The following HMCN1 variants were observed in gnomAD, a reference collection of about 807,000 sequenced individuals.
The protein encoded by HMCN1 is hemicentin 1, also known as hemicentin-1.
Under a neutral mutation model 625.9 loss-of-function variants are expected in HMCN1, and 321 were observed. That is an observed-to-expected ratio of 0.51 (90% CI 0.47 to 0.56). The LOEUF (loss-of-function observed/expected upper bound fraction) is 0.56. Among genes scored for constraint, HMCN1 ranks in the 20% least tolerant of loss-of-function variants. The probability of loss-of-function intolerance (pLI) is 0.00; values close to 1 mark genes in which losing one functional copy is unlikely to be tolerated. For missense variants in HMCN1, 6,588 were observed against 6,887.3 expected (o/e 0.96, Z 1.54); for synonymous variants, 2,425 against 2,417.6 (o/e 1.00, Z -0.09).
chr1:186,080,052 G>A (rs1373118437), intron 55 of HMCN1, among the ~76,000 whole-genome samples: 1 of 152,166 alleles, frequency 6.6e-6, no homozygotes, highest in Non-Finnish European at 1.5e-5. Context: ...TTTTCTTGAT[G>A]TTGGGTGGTG....
intron 96 of HMCN1, among the ~76,000 whole-genome samples, chr1:186,153,482 G>A (rs769029469): frequency 3.9e-5 from 6 of 152,064 alleles, no homozygotes; most frequent in Non-Finnish European, 7.3e-5. Context: ...ATGTAATGAT[G>A]AGAAAGTTGC....
chr1:186,155,639 G>A (rs542524664), intron 97 of HMCN1, among the ~76,000 whole-genome samples: 1 of 152,146 alleles, frequency 6.6e-6, no homozygotes, highest in African/African-American at 2.4e-5. Flanking sequence ...CCGTCTTTAA[G>A]TGTGTTTGTT....
rs773238960 is a variant in HMCN1 at position 186,151,629 on chromosome 1, T to C, written c.14782T>C (p.Ser4928Pro). 1 of 1,612,908 alleles carries C rather than the reference T, an allele frequency of 6.2e-7. No individual in the cohort carries two copies. Among genetic ancestry groups the C allele is most frequent in the East Asian group, 2.2e-5 (1 of 44,810 alleles). Reference protein sequence around the residue: ...SLGSAMRKIVSILNPIYWTTA... With the variant: ...SLGSAMRKIVPILNPIYWTTA... ...AGGTTCAGCAATGAGAAAGATAGTT[T>C]CTATTCTAAATCCCATTTATTGGAC... The change falls in exon 95 of 107, where the codon TCT becomes CCT. Residue 4928 changes from serine to proline, a missense_variant. Ser to Pro is a moderately conservative substitution (Grantham distance 74). This residue lies in a region of HMCN1 where 1,954 missense variants were observed against 2,013.1 expected (regional missense o/e 0.97). Coordinates refer to ENST00000271588, the MANE Select transcript of HMCN1 (RefSeq NM_031935.3).
intron 6 of HMCN1, among the ~76,000 whole-genome samples, chr1:185,918,678 G>C (rs547414639): frequency 6.6e-6 from 1 of 152,246 alleles, no homozygotes; most frequent in African/African-American, 2.4e-5. Context: ...GTGTATTCCT[G>C]ACTCAGACCC....
intron 1 of HMCN1, among the ~76,000 whole-genome samples, chr1:185,756,801 C>T (rs1042547061): frequency 6.6e-6 from 1 of 151,964 alleles, no homozygotes; most frequent in Non-Finnish European, 1.5e-5. Context: ...GGAAGTTGTC[C>T]ATTTCTCTTA....
At chr1:186,062,848 G>A (rs751740477) in intron 48 of HMCN1, among the ~76,000 whole-genome samples, 1 of 150,900 alleles carries the variant, frequency 6.6e-6, no homozygotes, top group Non-Finnish European at 1.5e-5. Context: ...AGTCCCCAAG[G>A]TCTATTATTT....
intron 52 of HMCN1, among the ~76,000 whole-genome samples, chr1:186,074,293 A>G (rs961090526): frequency 6.6e-6 from 1 of 152,028 alleles, no homozygotes; most frequent in Non-Finnish European, 1.5e-5. Context: ...ATGTTTCTGA[A>G]TGAACAAAAG....
intron 25 of HMCN1, among the ~76,000 whole-genome samples, chr1:185,999,395 A>AT (rs985602012): frequency 2.0e-5 from 3 of 151,660 alleles, no homozygotes; most frequent in East Asian, 3.9e-4. Flanking sequence ...TTGTTGTATC[A>AT]TTTTTTTTCT....
At chr1:185,815,621 G>A (rs992995644) in intron 1 of HMCN1, among the ~76,000 whole-genome samples, 13 of 149,690 alleles carry the variant, frequency 8.7e-5, no homozygotes, top group Admixed American at 2.0e-4. Context: ...ATAAGACCAA[G>A]AGTTCTAGGT....
At chr1:186,141,512 A>G (rs1558254488) in intron 89 of HMCN1, among the ~76,000 whole-genome samples, 1 of 152,186 alleles carries the variant, frequency 6.6e-6, no homozygotes, top group Non-Finnish European at 1.5e-5. Context: ...ATCTTTTTTA[A>G]GATTGATATC....
intron 105 of HMCN1, among the ~76,000 whole-genome samples, chr1:186,182,647 G>A (rs373140877): frequency 1.3e-5 from 2 of 152,150 alleles, no homozygotes; most frequent in African/African-American, 4.8e-5. Context: ...ATTTACTTCA[G>A]TGTTAGATAT....
intron 102 of HMCN1, among the ~76,000 whole-genome samples, chr1:186,173,316 C>T (rs578201025): frequency 2.6e-5 from 4 of 151,936 alleles, no homozygotes; most frequent in African/African-American, 9.7e-5. Context: ...TTTAAAAAAA[C>T]AACAACTGGT....
chr1:185,857,020 T>C (rs1662510589), intron 2 of HMCN1, among the ~76,000 whole-genome samples: 1 of 152,198 alleles, frequency 6.6e-6, no homozygotes, highest in Non-Finnish European at 1.5e-5. Context: ...CTGTCTTGTA[T>C]TTAGAAAAGA....
Position 185,987,472 on chromosome 1 carries a change from A to G in HMCN1, c.2976A>G (p.Thr992=), listed in dbSNP as rs1290386384. ...AGCATGGGCAGCAGATACTCAGTAC[A>G]ATTGAAGGCATTCCAGTAACTTTAC... The part of the protein sequence containing the change: ...TIQHGQQILS[T]IEGIPVTLPC... Residue 992 remains threonine, a synonymous_variant, in exon 20 of 107, where the codon ACA becomes ACG. Transcript: ENST00000271588. 1.2e-6 allele frequency: 2 copies of G among 1,613,842 alleles called. No homozygotes were observed. The highest frequency in any genetic ancestry group is 1.7e-6 in the Non-Finnish European group (2 of 1,179,840).
At chr1:185,861,321 C>G (rs1662853717) in intron 2 of HMCN1, among the ~76,000 whole-genome samples, 1 of 152,152 alleles carries the variant, frequency 6.6e-6, no homozygotes, top group African/African-American at 2.4e-5. Flanking sequence ...GAAAACTTCT[C>G]CTAGTGTGTT....
chr1:186,135,943 A>G lies in HMCN1; in HGVS notation c.13313-725A>G, dbSNP rs182411481. ...TATCTTTTCTCTATATGCTCTCAGC[A>G]TCCACCACAATGCCTGGCAAATAGC... On this transcript the variant is annotated intron_variant, in intron 86 of 106. Transcript: ENST00000271588. 1.1e-3 allele frequency among the ~76,000 whole-genome samples: 167 copies of G among 152,326 alleles called. 2 individuals are homozygous for G. The highest frequency in any genetic ancestry group is 5.8e-3 in the East Asian group (30 of 5,182).
At chr1:186,128,901 T>G (rs980091755) in intron 83 of HMCN1, among the ~76,000 whole-genome samples, 2 of 152,110 alleles carry the variant, frequency 1.3e-5, no homozygotes, top group Non-Finnish European at 2.9e-5. Flanking sequence ...AGTTCTGAAG[T>G]ATTACACTGT....
At chr1:185,787,703 A>T (rs959273550) in intron 1 of HMCN1, among the ~76,000 whole-genome samples, 13 of 152,248 alleles carry the variant, frequency 8.5e-5, no homozygotes, top group Admixed American at 3.9e-4. Flanking sequence ...ATCTCAGGGT[A>T]TAAAGAGCAA....
intron 105 of HMCN1, among the ~76,000 whole-genome samples, chr1:186,184,209 T>C (rs151309623): frequency 2.3e-4 from 35 of 152,332 alleles, no homozygotes; most frequent in African/African-American, 8.4e-4. Flanking sequence ...CATATTTTTG[T>C]GGTTTTAAAA....
Sources: gnomAD v4.1 joint callset for allele counts (sites outside exome capture counted in the v4.1 genomes callset) on GRCh38, gnomAD v4.1.1 for gene constraint, gnomAD v4.1.1 regional missense constraint, MANE v1.5 for transcripts, NCBI Gene and HGNC (gene_info 2026-07-23, HGNC 2026-07-21) for gene names.